The following ABCA12 variants were observed in gnomAD, a reference collection of about 807,000 sequenced individuals.
ABCA12 encodes glucosylceramide transporter ABCA12.
In ABCA12, 156 loss-of-function variants were observed where a neutral mutation model predicts 293.5. That is an observed-to-expected ratio of 0.53 (90% confidence interval 0.47 to 0.61). The LOEUF (loss-of-function observed/expected upper bound fraction) is 0.61. ABCA12 is among the 20% of genes least tolerant of loss of function. The pLI is 0.00. For missense variants in ABCA12, 2,797 were observed against 3,090.2 expected, an observed-to-expected ratio of 0.91 and a Z score of 2.25; for synonymous variants, 1,063 against 1,108.0, an observed-to-expected ratio of 0.96 and a Z score of 0.81.
At chr2:215,128,911 T>C (rs1702988990) in intron 1 of ABCA12, among the ~76,000 whole-genome samples, 1 of 152,146 alleles carries the variant, frequency 6.6e-6, no homozygotes. Context: ...TCTGTTTCCT[T>C]CTCATTTGGG....
intron 1 of ABCA12, among the ~76,000 whole-genome samples, chr2:215,134,760 A>C (rs1321165978): frequency 2.0e-5 from 3 of 150,022 alleles, no homozygotes; most frequent in Non-Finnish European, 3.0e-5. Context: ...TAATCCTCCC[A>C]CCGCAACTTC....
At chr2:215,014,833 G>A (rs1700455889) in intron 15 of ABCA12, among the ~76,000 whole-genome samples, 1 of 152,186 alleles carries the variant, frequency 6.6e-6, no homozygotes, top group Admixed American at 6.5e-5. Flanking sequence ...GTGTTTTTAA[G>A]AACATGTAAA....
At chr2:215,107,390 T>C (rs1702484918) in intron 2 of ABCA12, among the ~76,000 whole-genome samples, 2 of 152,226 alleles carry the variant, frequency 1.3e-5, no homozygotes, top group South Asian at 4.1e-4. Flanking sequence ...GTGGAGATTA[T>C]AAGAGATTGA....
intron 38 of ABCA12, 121 bp downstream of exon 38, chr2:214,968,599 G>T: frequency 1.1e-6 from 1 of 920,992 alleles, no homozygotes; most frequent in Non-Finnish European, 1.8e-6. Flanking sequence ...CTGTGCCCTG[G>T]GTTATGCACA....
Position 214,934,191 on chromosome 2 carries a change from A to G in ABCA12, c.7567T>C (p.Tyr2523His). 1 of 1,613,662 alleles carries G rather than the reference A, an allele frequency of 6.2e-7. No homozygotes were observed. The highest frequency in any genetic ancestry group is 8.5e-7 in the Non-Finnish European group (1 of 1,179,748). ...LKDQHLSMLE[Y>H]HVPVTAGGVA... is the part of the protein sequence containing the mutation. ...CCTCCTGCTGTGACTGGTACATGAT[A>G]CTCTAGCATGCTGAGGTGCTGATCC... The change falls in exon 52 of 53, where the codon TAT (tyrosine) becomes CAT (histidine). Residue 2523 changes from tyrosine to histidine, a missense_variant. Tyr to His is a moderately conservative substitution (Grantham distance 83). Coordinates refer to ENST00000272895, the MANE Select transcript of ABCA12 (RefSeq NM_173076.3).
chr2:215,040,275 A>G (rs1701072292), intron 7 of ABCA12, among the ~76,000 whole-genome samples: 1 of 152,226 alleles, frequency 6.6e-6, no homozygotes, highest in Non-Finnish European at 1.5e-5. Context: ...AAGGCAAACT[A>G]TACAATGGTA....
chr2:215,127,383 A>G (rs1454323477), intron 1 of ABCA12, among the ~76,000 whole-genome samples: 1 of 152,186 alleles, frequency 6.6e-6, no homozygotes, highest in Non-Finnish European at 1.5e-5. Context: ...TAATGCTGTC[A>G]GTGGAGTACT....
chr2:215,034,570 A>G (rs932887661), intron 8 of ABCA12, among the ~76,000 whole-genome samples: 2 of 152,200 alleles, frequency 1.3e-5, no homozygotes, highest in African/African-American at 2.4e-5. Flanking sequence ...CCTCAGAAGC[A>G]AGTATGTCCC....
chr2:215,018,044 C>A lies in ABCA12; in HGVS notation c.1746G>T (p.Lys582Asn). Residue 582 changes from lysine (K) to asparagine (N), a missense_variant, in exon 14 of 53, where the codon AAG becomes AAT. By Grantham distance (94) the Lys-to-Asn change is moderately conservative. Coordinates refer to ENST00000272895, the MANE Select transcript of ABCA12 (RefSeq NM_173076.3). ...TTGMSNRTID[K>N]LLAIPIPDNR... Reference sequence around the variant, plus strand: ...TATCAGGGATGGGAATGGCCAGCAACTTGTCAATAGTCCTGTTGGACATTC... The same window carrying A: ...TATCAGGGATGGGAATGGCCAGCAAATTGTCAATAGTCCTGTTGGACATTC... The A allele has an allele frequency of 6.2e-7, 1 of 1,614,168 alleles. No homozygotes were observed. Among genetic ancestry groups the A allele is most frequent in the Non-Finnish European group, 8.5e-7 (1 of 1,180,028 alleles).
intron 3 of ABCA12, among the ~76,000 whole-genome samples, chr2:215,059,269 A>T (rs143604958): frequency 1.8e-3 from 271 of 152,198 alleles, no homozygotes; most frequent in Admixed American, 4.3e-3. Context: ...TTAACTGCAA[A>T]TAAGGACTAA....
At chr2:214,940,816 C>A (rs1308506110) in intron 50 of ABCA12, among the ~76,000 whole-genome samples, 1 of 151,912 alleles carries the variant, frequency 6.6e-6, no homozygotes, top group Non-Finnish European at 1.5e-5. Context: ...GTGGTGATCT[C>A]CCCTTTATCA....
rs755379562 is a variant in ABCA12 at position 214,982,352 on chromosome 2, G to A, written c.4414C>T (p.Arg1472Cys). ...TLKDTGLYSH[R>C]HKRVGTLSGG... ...GACAGTGTTCCAACTCTCTTATGAC[G>A]ATGGCTATATAGTCCAGTATCTTTT... is the stretch of plus-strand genomic sequence containing the variant. Residue 1472 changes from arginine to cysteine, a missense_variant, in exon 30 of 53, where the codon CGT (arginine) becomes TGT (cysteine). Coordinates refer to ENST00000272895, the MANE Select transcript of ABCA12 (RefSeq NM_173076.3). The A allele has an allele frequency of 1.3e-5, 21 of 1,613,728 alleles. No individual in the cohort carries two copies. The highest frequency in any genetic ancestry group is 1.8e-5 in the Non-Finnish European group (21 of 1,179,894).
chr2:214,980,399 A>G, intron 31 of ABCA12, 84 bp downstream of exon 31: 2 of 1,558,608 alleles, frequency 1.3e-6, no homozygotes, highest in Non-Finnish European at 1.8e-6. Flanking sequence ...TTAGCAATGA[A>G]TAAAGTTGGA....
chr2:214,998,537 T>C (rs1268934433), intron 22 of ABCA12, among the ~76,000 whole-genome samples: 2 of 152,196 alleles, frequency 1.3e-5, no homozygotes, highest in African/African-American at 4.8e-5. Context: ...ATACATGGTA[T>C]AGAAATGTCT....
intron 5 of ABCA12, among the ~76,000 whole-genome samples, chr2:215,051,278 T>C (rs1439769047): frequency 6.6e-6 from 1 of 152,076 alleles, no homozygotes; most frequent in East Asian, 1.9e-4. Context: ...CAAAAAACAT[T>C]AGAAGCCTCA....
chr2:215,011,866 T>C (rs1700382436), intron 16 of ABCA12, 105 bp downstream of exon 16: 3 of 823,238 alleles, frequency 3.6e-6, no homozygotes, highest in Non-Finnish European at 5.1e-6. Context: ...GTAGGTGTTG[T>C]TTTTTTTTTT....
intron 1 of ABCA12, among the ~76,000 whole-genome samples, chr2:215,117,879 C>G (rs1702717761): frequency 1.3e-5 from 2 of 152,168 alleles, no homozygotes. Flanking sequence ...TCACATCAGA[C>G]TCATGGAGGT....
intron 50 of ABCA12, among the ~76,000 whole-genome samples, chr2:214,938,663 G>A (rs1387968679): frequency 1.3e-5 from 2 of 152,130 alleles, no homozygotes; most frequent in Non-Finnish European, 2.9e-5. Context: ...CATTCTAACT[G>A]GCGTGAGATG....
chr2:215,029,087 T>G (rs1293303758), intron 9 of ABCA12: 2 of 152,200 alleles, frequency 1.3e-5, no homozygotes, highest in Non-Finnish European at 2.9e-5. Context: ...TCTATTTTAT[T>G]TGGCTATAGT....
Sources: allele counts gnomAD v4.1 joint callset (sites outside exome capture counted in the v4.1 genomes callset), GRCh38; gene constraint gnomAD v4.1.1; transcripts MANE v1.5; gene names NCBI Gene and HGNC (gene_info 2026-07-23, HGNC 2026-07-21).